LSAMP: variants seen among roughly 807,000 people sequenced by gnomAD.
LSAMP encodes the protein limbic system associated membrane protein, also known as limbic system-associated membrane protein.
In LSAMP, 7 loss-of-function variants were observed where a neutral mutation model predicts 38.6. The observed-to-expected ratio is 0.18, with a 90% CI of 0.10 to 0.34. LSAMP has a LOEUF of 0.34. LSAMP is among the 10% of genes least tolerant of loss of function. The pLI is 1.00. For synonymous variants in LSAMP, 154 were observed against 166.8 expected (o/e 0.92, Z 0.59); for missense variants, 313 against 420.0 (o/e 0.75, Z 2.23).
intron 3 of LSAMP, among the ~76,000 whole-genome samples, chr3:115,986,482 T>G (rs1382245848): frequency 6.6e-6 from 1 of 152,102 alleles, no homozygotes; most frequent in Non-Finnish European, 1.5e-5. Flanking sequence ...GAAAAACATA[T>G]GCTTTTTGAA....
chr3:115,997,174 T>C (rs1354880930), intron 3 of LSAMP, among the ~76,000 whole-genome samples: 2 of 152,164 alleles, frequency 1.3e-5, no homozygotes, highest in African/African-American at 4.8e-5. Flanking sequence ...TTAAATAATA[T>C]ATAGTAGACT....
intron 3 of LSAMP, among the ~76,000 whole-genome samples, chr3:115,890,299 A>G (rs1015701752): frequency 1.3e-5 from 2 of 151,958 alleles, no homozygotes; most frequent in African/African-American, 4.8e-5. Flanking sequence ...CTAAAATTAC[A>G]GTGACCTAAC....
intron 1 of LSAMP, among the ~76,000 whole-genome samples, chr3:116,317,603 C>T (rs140217088): frequency 0.012 from 1,811 of 151,922 alleles, 49 homozygotes; most frequent in African/African-American, 0.042. Context: ...GATCCACCCT[C>T]CTTGGCCTCC....
At chr3:115,813,803 G>C (rs1933920712) in intron 6 of LSAMP, among the ~76,000 whole-genome samples, 1 of 152,112 alleles carries the variant, frequency 6.6e-6, no homozygotes, top group Non-Finnish European at 1.5e-5. Flanking sequence ...TTTTACTTCA[G>C]AGTTATGAAA....
intron 3 of LSAMP, among the ~76,000 whole-genome samples, chr3:115,909,499 C>A (rs1239087211): frequency 6.6e-6 from 1 of 152,176 alleles, no homozygotes; most frequent in Admixed American, 6.5e-5. Context: ...GTCTTTTCTT[C>A]AGCAGCAATG....
chr3:115,951,232 CACTACA>C, intron 3 of LSAMP, among the ~76,000 whole-genome samples: 1 of 152,156 alleles, frequency 6.6e-6, no homozygotes, highest in East Asian at 1.9e-4. Flanking sequence ...TCATAACCAA[CACTACA>C]AAGGCAAATG....
chr3:116,003,594 G>C (rs561458768), intron 3 of LSAMP, among the ~76,000 whole-genome samples: 1 of 152,142 alleles, frequency 6.6e-6, no homozygotes, highest in African/African-American at 2.4e-5. Flanking sequence ...TGGAAAAGGG[G>C]CTTTTGCAAA....
At chr3:116,338,279 G>C (rs2047948702) in intron 1 of LSAMP, among the ~76,000 whole-genome samples, 1 of 151,936 alleles carries the variant, frequency 6.6e-6, no homozygotes, top group Non-Finnish European at 1.5e-5. Context: ...AAATACTGTA[G>C]GGTTTATATG....
chr3:115,981,170 AAAGT>A (rs1425521395), intron 3 of LSAMP, among the ~76,000 whole-genome samples: 1 of 152,192 alleles, frequency 6.6e-6, no homozygotes, highest in Non-Finnish European at 1.5e-5. Context: ...AAGAAAAAAG[AAAGT>A]AAGTTCAGCG....
chr3:116,256,636 A>G (rs2046755127), intron 1 of LSAMP, among the ~76,000 whole-genome samples: 1 of 151,922 alleles, frequency 6.6e-6, no homozygotes, highest in East Asian at 1.9e-4. Context: ...AGCATGCTCA[A>G]AATATCTGAT....
chr3:116,313,055 TGAAGACCCCATA>T (rs2047579758), intron 1 of LSAMP, among the ~76,000 whole-genome samples: 2 of 152,228 alleles, frequency 1.3e-5, no homozygotes, highest in South Asian at 4.1e-4. Flanking sequence ...AACATTCTGA[TGAAGACCCCATA>T]GCACAAAAAC....
chr3:115,992,193 C>T (rs1939690207), intron 3 of LSAMP, among the ~76,000 whole-genome samples: 1 of 151,860 alleles, frequency 6.6e-6, no homozygotes, highest in Non-Finnish European at 1.5e-5. Flanking sequence ...GTCCCCAGCC[C>T]CCAGCTCCAA....
chr3:115,854,118 T>A (rs868586889), intron 3 of LSAMP, among the ~76,000 whole-genome samples: 1 of 151,992 alleles, frequency 6.6e-6, no homozygotes, highest in South Asian at 2.1e-4. Context: ...TTGAGGAAAC[T>A]GTACAATCTT....
intron 1 of LSAMP, among the ~76,000 whole-genome samples, chr3:116,100,683 T>C (rs140659723): frequency 3.2e-4 from 49 of 152,312 alleles, no homozygotes; most frequent in African/African-American, 1.2e-3. Flanking sequence ...ATACATAAAG[T>C]TGATCATGTA....
At chr3:115,817,722 C>T (rs943507087) in intron 6 of LSAMP, among the ~76,000 whole-genome samples, 5 of 152,138 alleles carry the variant, frequency 3.3e-5, no homozygotes, top group Admixed American at 6.6e-5. Context: ...TTAACAAATG[C>T]AACATGCTGC....
At chr3:115,932,597 T>G (rs1436806286) in intron 3 of LSAMP, among the ~76,000 whole-genome samples, 1 of 152,144 alleles carries the variant, frequency 6.6e-6, no homozygotes, top group African/African-American at 2.4e-5. Context: ...TCACATAGAT[T>G]TTTTGGCATG....
intron 1 of LSAMP, among the ~76,000 whole-genome samples, chr3:116,224,687 T>C (rs959547883): frequency 2.6e-5 from 4 of 152,226 alleles, no homozygotes; most frequent in African/African-American, 7.2e-5. Flanking sequence ...GAGAAAGGCT[T>C]GTCAAGCTTA....
chr3:116,109,402 A>G (rs1708546194), intron 1 of LSAMP, among the ~76,000 whole-genome samples: 1 of 152,088 alleles, frequency 6.6e-6, no homozygotes, highest in Admixed American at 6.5e-5. Context: ...GAAAAGGAAG[A>G]TTAGAAAGAC....
At chr3:115,911,508 C>T (rs536425423) in intron 3 of LSAMP, among the ~76,000 whole-genome samples, 4 of 152,200 alleles carry the variant, frequency 2.6e-5, no homozygotes, top group African/African-American at 4.8e-5. Context: ...CCTGCCACCA[C>T]GCCTGGCTAA....
Sources: gnomAD v4.1 joint callset for allele counts (sites outside exome capture counted in the v4.1 genomes callset) on GRCh38, gnomAD v4.1.1 for gene constraint, MANE v1.5 for transcripts, NCBI Gene and HGNC (gene_info 2026-07-23, HGNC 2026-07-21) for gene names.